The following DAPP1 variants were observed in gnomAD, a reference collection of about 807,000 sequenced individuals.
The protein encoded by DAPP1 is dual adapter for phosphotyrosine and 3-phosphotyrosine and 3-phosphoinositide.
A neutral mutation model predicts 41.5 loss-of-function variants in DAPP1; 20 were observed. The ratio of observed to expected loss-of-function variants is 0.48; its 90% CI spans 0.34 to 0.70. The LOEUF is 0.70. Among genes scored for constraint, DAPP1 ranks in the 30% least tolerant of loss-of-function variants. The pLI is 0.01. For synonymous variants in DAPP1, 113 were observed against 116.2 expected (o/e 0.97, Z 0.18); for missense variants, 233 against 333.4 (o/e 0.70, Z 2.35).
rs1266835141 is a variant in DAPP1 at position 99,868,418 on chromosome 4, T to C, written c.*233T>C. The C allele has an allele frequency of 2.6e-5, 14 of 545,614 alleles. No homozygotes were observed. The highest frequency in any genetic ancestry group is 4.3e-5 in the Non-Finnish European group (13 of 303,998). 33.8% of individuals were successfully genotyped at this position (545,614 alleles called of 1,614,324 possible). ...AAGCAATCACCATTCTGATAGAAAG[T>C]GCTTAAACCACCACTCTTAGGTCTG... On this transcript the variant is annotated 3_prime_UTR_variant, in exon 9 of 9. Transcript: ENST00000512369.
chr4:99,867,981 G>A (rs1724518916), intron 8 of DAPP1, 136 bp from the exon 9 acceptor site: 4 of 761,398 alleles, frequency 5.3e-6, no homozygotes, highest in Non-Finnish European at 8.8e-6. Context: ...CTTATAGTTG[G>A]GGGTGAGCAC....
At chr4:99,870,731 T>G (rs1724611130), downstream of DAPP1, among the ~76,000 whole-genome samples, 1 of 152,164 alleles carries the variant, frequency 6.6e-6, no homozygotes, top group Non-Finnish European at 1.5e-5. Flanking sequence ...TATGAGCTTA[T>G]CATTAAGACA....
At chr4:99,834,917 G>A (rs1262239727) in intron 1 of DAPP1, among the ~76,000 whole-genome samples, 1 of 152,058 alleles carries the variant, frequency 6.6e-6, no homozygotes, top group African/African-American at 2.4e-5. Flanking sequence ...TCATGTTCAT[G>A]CGCTGTTCTC....
chr4:99,849,801 G>A (rs576523320), intron 3 of DAPP1, among the ~76,000 whole-genome samples: 1 of 152,316 alleles, frequency 6.6e-6, no homozygotes, highest in East Asian at 1.9e-4. Context: ...TAAGACCACT[G>A]TAATTGACAG....
At chr4:99,856,702 G>A (rs950253449) in intron 4 of DAPP1, among the ~76,000 whole-genome samples, 1 of 152,208 alleles carries the variant, frequency 6.6e-6, no homozygotes, top group Non-Finnish European at 1.5e-5. Context: ...GCCTGCTGCA[G>A]TTTCATGTAT....
At chr4:99,857,499 A>T (rs1724084520) in intron 4 of DAPP1, among the ~76,000 whole-genome samples, 1 of 152,084 alleles carries the variant, frequency 6.6e-6, no homozygotes, top group Admixed American at 6.6e-5. Context: ...TCCTTCTAAA[A>T]ATTCTGTTTC....
chr4:99,871,277 A>ACTCTTCC (rs1278271238), downstream of DAPP1, among the ~76,000 whole-genome samples: 2 of 151,716 alleles, frequency 1.3e-5, no homozygotes, highest in East Asian at 3.9e-4. Flanking sequence ...TTTCTACCAG[A>ACTCTTCC]CTCTTCCTAG....
chr4:99,844,124 C>T (rs1723585528), intron 3 of DAPP1: 1 of 152,076 alleles, frequency 6.6e-6, no homozygotes, highest in African/African-American at 2.4e-5. Flanking sequence ...AATTTAGGCT[C>T]GCAGACGGTT....
intron 3 of DAPP1, among the ~76,000 whole-genome samples, chr4:99,846,620 A>C (rs192799602): frequency 1.5e-4 from 23 of 152,380 alleles, no homozygotes; most frequent in Admixed American, 1.4e-3. Flanking sequence ...ATAATAAAGA[A>C]TTAGTTTAGG....
chr4:99,861,513 T>G, intron 4 of DAPP1, 65 bp from the exon 5 acceptor site: 1 of 1,475,026 alleles, frequency 6.8e-7, no homozygotes, highest in Non-Finnish European at 9.3e-7. Context: ...AAATAGGACA[T>G]GAAAGGAAGG....
At chr4:99,843,598 T>C (rs17029588) in intron 3 of DAPP1, among the ~76,000 whole-genome samples, 6,883 of 152,292 alleles carry the variant, frequency 0.045, 196 homozygotes, top group Middle Eastern at 0.088. Context: ...TTTTTATCAA[T>C]ACCCATAAAC....
chr4:99,865,952 T>TATAATATATAATATAA (rs1317141928), intron 7 of DAPP1, 82 bp from the exon 8 acceptor site: 637 of 62,032 alleles, frequency 0.01, 7 homozygotes, highest in African/African-American at 0.029. Flanking sequence ...ATATTATATA[T>TATAATATATAATATAA]TATATTATAT....
chr4:99,838,332 T>G (rs1488604761), intron 2 of DAPP1, among the ~76,000 whole-genome samples: 2 of 152,196 alleles, frequency 1.3e-5, no homozygotes, highest in African/African-American at 2.4e-5. Context: ...CACAGACTAA[T>G]TCAGGAGAAT....
chr4:99,842,724 C>G (rs1723534757), intron 3 of DAPP1, among the ~76,000 whole-genome samples: 1 of 152,242 alleles, frequency 6.6e-6, no homozygotes, highest in African/African-American at 2.4e-5. Flanking sequence ...GACATGCCAC[C>G]TTCTAAAAAT....
At position 99,832,874 on chromosome 4, in the gene DAPP1, A is replaced by G. The variant is rs777863130; in HGVS notation, c.102-2749A>G. Among the ~76,000 whole-genome samples the G allele has an allele frequency of 1.8e-4, 27 of 152,356 alleles. No individual in the cohort carries two copies. In the East Asian group the frequency reaches 4.2e-3, roughly 24 times the overall value. ...TTTTGCGAATCAAATATTGCTTTAC[A>G]TAAACAACTGTTATCAGGCTATATA... On this transcript the variant is annotated intron_variant, in intron 1 of 8. Coordinates refer to ENST00000512369, the MANE Select transcript of DAPP1 (RefSeq NM_014395.3).
rs758557939 is a variant in DAPP1, at chr4:99,827,457, C to A, written c.102-8166C>A. On this transcript the variant is annotated intron_variant, in intron 1 of 8. Transcript: ENST00000512369. ...CTGAGGCAGGAGAATGGCGTGAACCCGGGAGGCAGAGCTTGCAGTGAGCCG... is the reference window on the plus strand; with the variant it reads ...CTGAGGCAGGAGAATGGCGTGAACCAGGGAGGCAGAGCTTGCAGTGAGCCG... Among the ~76,000 whole-genome samples, 61 of 151,274 alleles carry A rather than the reference C, an allele frequency of 4.0e-4. 1 individual carries two copies. Among genetic ancestry groups the A allele is most frequent in the South Asian group, 1.7e-3 (8 of 4,762 alleles).
In DAPP1 at chr4:99,866,141, C is replaced by A; in HGVS notation, c.774+20C>A. The A allele has an allele frequency of 7.4e-7, 1 of 1,353,772 alleles. No homozygotes were observed. Among genetic ancestry groups the A allele is most frequent in the South Asian group, 1.2e-5 (1 of 84,596 alleles). 83.9% of individuals were successfully genotyped at this position (1,353,772 alleles called of 1,614,324 possible). A position where few individuals can be genotyped will look rare whatever the true frequency, so the allele number is the denominator to read the frequency against. On this transcript the variant is annotated intron_variant, in intron 8 of 8. Transcript: ENST00000512369. The stretch of plus-strand genomic sequence containing the variant: ...AAATTGGTGAGAATTTTTAAGCCTT[C>A]AGATGTCAAGTCTTGAGAAATAACA...
chr4:99,868,066 G>A (rs1212173565), intron 8 of DAPP1, 51 bp from the exon 9 acceptor site: 2 of 1,476,392 alleles, frequency 1.4e-6, no homozygotes, highest in African/African-American at 1.4e-5. Flanking sequence ...AGAAGCCAGG[G>A]TTCATTACAA....
Position 99,818,435 on chromosome 4 carries a change from G to C in DAPP1, c.101+1421G>C, listed in dbSNP as rs553916347. Among the ~76,000 whole-genome samples the C allele has an allele frequency of 1.7e-4, 26 of 152,286 alleles. 1 individual carries two copies. The highest frequency in any genetic ancestry group is 8.3e-4 in the South Asian group (4 of 4,822). ...CACTGTAATAGAAAACCCCAAAGGA[G>C]GAGATAGAGGAATATATTCAATTCT... On this transcript the variant is annotated intron_variant, in intron 1 of 8. Transcript: ENST00000512369.
Sources: allele counts gnomAD v4.1 joint callset (sites outside exome capture counted in the v4.1 genomes callset), GRCh38; gene constraint gnomAD v4.1.1; transcripts MANE v1.5; gene names NCBI Gene and HGNC (gene_info 2026-07-23, HGNC 2026-07-21).